The following GNAZ variants were observed in gnomAD, a reference collection of about 807,000 sequenced individuals.
GNAZ encodes the protein guanine nucleotide-binding protein G(z) subunit alpha.
In GNAZ, 3 loss-of-function variants were observed where a neutral mutation model predicts 25.4. The ratio of observed to expected loss-of-function variants is 0.12; its 90% CI spans 0.05 to 0.30. GNAZ has a LOEUF of 0.30. GNAZ is among the 10% of genes least tolerant of loss of function. GNAZ has a pLI of 1.00. For synonymous variants in GNAZ, 211 were observed against 205.7 expected (o/e 1.03, Z -0.22); for missense variants, 241 against 501.8 (o/e 0.48, Z 4.97).
In GNAZ at chr22:23,124,425, T is replaced by C; in HGVS notation, c.*994T>C. Reference sequence around the variant, plus strand: ...AAAGAAATTTTGGAGTGAGTGGCAGTCCTGCGCCAGCCTCGCGGGACACGT... The same window carrying C: ...AAAGAAATTTTGGAGTGAGTGGCAGCCCTGCGCCAGCCTCGCGGGACACGT... On this transcript the variant is annotated 3_prime_UTR_variant, in exon 3 of 3. Coordinates refer to ENST00000615612, the MANE Select transcript of GNAZ (RefSeq NM_002073.4). The C allele has an allele frequency of 2.1e-6, 1 of 469,980 alleles. No homozygotes were observed. Among genetic ancestry groups the C allele is most frequent in the South Asian group, 1.6e-5 (1 of 64,434 alleles). The allele number at this position is 469,980 out of a possible 1,614,324, so 29.1% of individuals were successfully genotyped here.
chr22:23,120,683 G>A (rs1302568166), intron 2 of GNAZ, among the ~76,000 whole-genome samples: 2 of 151,870 alleles, frequency 1.3e-5, no homozygotes, highest in South Asian at 2.1e-4. Context: ...GAACCCCCAG[G>A]TCCATACCCT....
At chr22:23,078,391 C>T (rs2068567917) in intron 1 of GNAZ, among the ~76,000 whole-genome samples, 3 of 152,240 alleles carry the variant, frequency 2.0e-5, no homozygotes, top group Non-Finnish European at 4.4e-5. Flanking sequence ...CCTTGCCCCA[C>T]CCCGTGGCTG....
At chr22:23,090,116 C>G (rs956814538) in intron 1 of GNAZ, among the ~76,000 whole-genome samples, 1 of 152,134 alleles carries the variant, frequency 6.6e-6, no homozygotes. Context: ...TTCACTGATA[C>G]AGTCCACTCA....
rs1485984663 is a variant in GNAZ at position 23,123,806 on chromosome 22, G to A, written c.*375G>A. 1.2e-5 allele frequency: 3 copies of A among 252,024 alleles called. No homozygotes were observed. The highest frequency in any genetic ancestry group is 5.8e-5 in the South Asian group (1 of 17,278). 15.6% of individuals were successfully genotyped at this position (252,024 alleles called of 1,614,324 possible). A position where few individuals can be genotyped will look rare whatever the true frequency, so the allele number is the denominator to read the frequency against. ...TGCATTGGATTGTTAGGGATAGGCA[G>A]CAGGGCTGAGGCAAGGTAGGCCAAC... On this transcript the variant is annotated 3_prime_UTR_variant, in exon 3 of 3. Coordinates refer to ENST00000615612, the MANE Select transcript of GNAZ (RefSeq NM_002073.4).
intron 1 of GNAZ, among the ~76,000 whole-genome samples, chr22:23,083,984 G>A (rs2068746737): frequency 6.6e-6 from 1 of 152,130 alleles, no homozygotes; most frequent in African/African-American, 2.4e-5. Context: ...GAGTGTGGTG[G>A]GTGGGAGATG....
chr22:23,095,990 G>T lies in GNAZ; in HGVS notation c.295G>T (p.Asp99Tyr). Reference protein sequence around the residue: ...AALRIDFHNPDRAYDAVQLFA... With the variant: ...AALRIDFHNPYRAYDAVQLFA... ...CCTCAGGATCGACTTCCACAACCCCGACCGCGCCTACGACGCTGTGCAGCT... is the reference window on the plus strand; with the variant it reads ...CCTCAGGATCGACTTCCACAACCCCTACCGCGCCTACGACGCTGTGCAGCT... Residue 99 changes from aspartate (D) to tyrosine (Y), a missense_variant, in exon 2 of 3, where the codon GAC (aspartate) becomes TAC (tyrosine). By Grantham distance (160) the Asp-to-Tyr change is radical. Transcript: ENST00000615612. 6.2e-7 allele frequency: 1 copy of T among 1,609,750 alleles called. No homozygotes were observed. The highest frequency in any genetic ancestry group is 8.5e-7 in the Non-Finnish European group (1 of 1,179,992).
chr22:23,108,266 A>G (rs566001512), intron 2 of GNAZ, among the ~76,000 whole-genome samples: 5 of 152,250 alleles, frequency 3.3e-5, no homozygotes, highest in Non-Finnish European at 7.3e-5. Flanking sequence ...GCGGTCCCCA[A>G]GCAGACAGCA....
chr22:23,119,706 G>C (rs146322767), intron 2 of GNAZ, among the ~76,000 whole-genome samples: 15 of 152,204 alleles, frequency 9.9e-5, no homozygotes, highest in Admixed American at 6.5e-4. Context: ...GGAGTGAGGC[G>C]GCAAGCTCAG....
At chr22:23,088,655 G>A (rs1275260694) in intron 1 of GNAZ, among the ~76,000 whole-genome samples, 1 of 152,194 alleles carries the variant, frequency 6.6e-6, no homozygotes, top group African/African-American at 2.4e-5. Flanking sequence ...GGACTTGTTG[G>A]TCTGAAATGG....
chr22:23,114,100 C>T (rs1046201927), intron 2 of GNAZ, among the ~76,000 whole-genome samples: 6 of 152,172 alleles, frequency 3.9e-5, no homozygotes, highest in Non-Finnish European at 8.8e-5. Context: ...GCCCCTCAGT[C>T]AGGGTGCTGC....
chr22:23,076,344 G>A (rs1483338790), intron 1 of GNAZ, among the ~76,000 whole-genome samples: 1 of 152,206 alleles, frequency 6.6e-6, no homozygotes, highest in Non-Finnish European at 1.5e-5. Context: ...GGGAGTCGCT[G>A]TGGAGGGACT....
chr22:23,117,453 G>A (rs973250126), intron 2 of GNAZ, among the ~76,000 whole-genome samples: 1 of 152,160 alleles, frequency 6.6e-6, no homozygotes, highest in Non-Finnish European at 1.5e-5. Flanking sequence ...CTGCAGCATC[G>A]AGACCTCTCC....
chr22:23,094,855 G>A (rs545606432), intron 1 of GNAZ, among the ~76,000 whole-genome samples: 3 of 152,382 alleles, frequency 2.0e-5, no homozygotes, highest in Admixed American at 1.3e-4. Flanking sequence ...CTGGCCACCC[G>A]TGTAAAACAG....
At chr22:23,084,667 G>A (rs1053051215) in intron 1 of GNAZ, among the ~76,000 whole-genome samples, 1 of 152,204 alleles carries the variant, frequency 6.6e-6, no homozygotes, top group African/African-American at 2.4e-5. Flanking sequence ...CCTGCGCTTC[G>A]TGGCCCATGA....
At chr22:23,091,473 G>T (rs534585387) in intron 1 of GNAZ, among the ~76,000 whole-genome samples, 6 of 147,410 alleles carry the variant, frequency 4.1e-5, no homozygotes, top group African/African-American at 1.5e-4. Context: ...CACACACACC[G>T]CAATGGACCT....
intron 1 of GNAZ, among the ~76,000 whole-genome samples, chr22:23,094,437 G>A (rs561556647): frequency 1.7e-4 from 26 of 152,290 alleles, no homozygotes; most frequent in Non-Finnish European, 2.8e-4. Context: ...TTCTGCCTGA[G>A]GCCTCTAGGC....
intron 1 of GNAZ, among the ~76,000 whole-genome samples, chr22:23,087,005 C>A (rs1201814071): frequency 6.6e-6 from 1 of 152,170 alleles, no homozygotes; most frequent in Non-Finnish European, 1.5e-5. Context: ...ATAAGTCGGG[C>A]GTAAAAGGGC....
chr22:23,108,931 G>C (rs985966990), intron 2 of GNAZ, among the ~76,000 whole-genome samples: 2 of 152,222 alleles, frequency 1.3e-5, no homozygotes, highest in Admixed American at 6.5e-5. Flanking sequence ...CATGCTACAG[G>C]AGCTTAGGAA....
chr22:23,122,597 G>A (rs2070061611), intron 2 of GNAZ: 1 of 162,172 alleles, frequency 6.2e-6, no homozygotes, highest in Non-Finnish European at 1.4e-5. Context: ...TCAGAGTTTT[G>A]AAGGACTGGG....
Sources: gnomAD v4.1 joint callset for allele counts (sites outside exome capture counted in the v4.1 genomes callset) on GRCh38, gnomAD v4.1.1 for gene constraint, MANE v1.5 for transcripts, NCBI Gene and HGNC (gene_info 2026-07-23, HGNC 2026-07-21) for gene names.